Variants in CEP128 observed in about 807,000 individuals in gnomAD.
CEP128 encodes centrosomal protein 128, also known as centrosomal protein 128kDa.
CEP128 carries 132 observed loss-of-function variants against 156.7 expected under a neutral mutation model. The ratio of observed to expected loss-of-function variants is 0.84; its 90% CI spans 0.73 to 0.97. The LOEUF is 0.97. Ranked by LOEUF, CEP128 falls within the 50% of genes least tolerant of loss-of-function variation. CEP128 has a pLI of 0.00. For missense variants in CEP128, 1,252 were observed against 1,281.9 expected, an observed-to-expected ratio of 0.98 and a Z score of 0.36; for synonymous variants, 469 against 448.9, an observed-to-expected ratio of 1.04 and a Z score of -0.57.
At chr14:80,549,994 A>G (rs1385855871) in intron 21 of CEP128, among the ~76,000 whole-genome samples, 1 of 152,244 alleles carries the variant, frequency 6.6e-6, no homozygotes, top group Non-Finnish European at 1.5e-5. Flanking sequence ...TGGACACCAA[A>G]TCTTGAAGTT....
chr14:80,787,807 T>C lies in CEP128; in HGVS notation c.1561-2262A>G, dbSNP rs145892714. Among the ~76,000 whole-genome samples, 556 of 152,292 alleles carry C rather than the reference T, an allele frequency of 3.7e-3. 3 individuals carry two copies. The highest frequency in any genetic ancestry group is 0.012 in the African/African-American group (515 of 41,560). On this transcript the variant is annotated intron_variant, in intron 14 of 24. Transcript: ENST00000555265. ...TAATGAAGTCATACCATGTAAAGTG[T>C]CTTTAATTATGAAATATTATATCTT... is the stretch of plus-strand genomic sequence containing the variant.
chr14:80,896,814 T>A (rs1009936521), intron 7 of CEP128, among the ~76,000 whole-genome samples: 1 of 152,212 alleles, frequency 6.6e-6, no homozygotes, highest in African/African-American at 2.4e-5. Flanking sequence ...ATTTCACTCT[T>A]TTTGAAGACC....
rs1376763852 is a variant in CEP128 at position 80,496,678 on chromosome 14, T to A, written c.*801A>T. The A allele has an allele frequency of 6.6e-6, 1 of 152,134 alleles. No homozygotes were observed. The highest frequency in any genetic ancestry group is 1.5e-5 in the Non-Finnish European group (1 of 68,002). 9.4% of individuals were successfully genotyped at this position (152,134 alleles called of 1,614,324 possible). On this transcript the variant is annotated 3_prime_UTR_variant, in exon 25 of 25. Coordinates refer to ENST00000555265, the MANE Select transcript of CEP128 (RefSeq NM_152446.5). ...ATGGTAGAAGCAGATAGGACCAAAT[T>A]ATACAAGATTATATATAAATCTCAT...
chr14:80,546,177 A>C (rs540498686), intron 21 of CEP128, among the ~76,000 whole-genome samples: 4 of 152,186 alleles, frequency 2.6e-5, no homozygotes, highest in East Asian at 1.9e-4. Flanking sequence ...TAATGCATAC[A>C]TCGGGGATGA....
In CEP128 at chr14:80,497,715, C is replaced by G. The variant is rs572060326; in HGVS notation, c.3182-133G>C. 61 of 638,340 alleles carry G rather than the reference C, an allele frequency of 9.6e-5. No homozygotes were observed. The African/African-American group carries it at 1.0e-3, about 10-fold the overall frequency. The allele number at this position is 638,340 out of a possible 1,614,324, so 39.5% of individuals were successfully genotyped here. ...TTTCTATAATTAAACTTCACATGGA[C>G]TAACAGACCTCCAAGCTAAGAATAA... On this transcript the variant is annotated intron_variant, in intron 24 of 24. Coordinates refer to ENST00000555265, the MANE Select transcript of CEP128 (RefSeq NM_152446.5).
Position 80,548,852 on chromosome 14 carries a change from C to G in CEP128, c.2880+10427G>C, listed in dbSNP as rs112150701. ...TCATTATGCAATTTCCCAGTGATAC[C>G]TTTCCTATGTTATCATGTTTATGAA... On this transcript the variant is annotated intron_variant, in intron 21 of 24. Transcript: ENST00000555265. Among the ~76,000 whole-genome samples the G allele has an allele frequency of 6.6e-5, 10 of 152,206 alleles. 1 individual carries two copies. Among genetic ancestry groups the G allele is most frequent in the African/African-American group, 2.2e-4 (9 of 41,536 alleles).
intron 8 of CEP128, among the ~76,000 whole-genome samples, chr14:80,869,286 A>C (rs1156759237): frequency 1.3e-5 from 2 of 152,110 alleles, no homozygotes; most frequent in African/African-American, 4.8e-5. Context: ...AGTGGTATAA[A>C]ACTAGATATA....
chr14:80,588,224 AATAATGGT>A (rs1891901805), intron 19 of CEP128, among the ~76,000 whole-genome samples: 1 of 152,106 alleles, frequency 6.6e-6, no homozygotes, highest in Non-Finnish European at 1.5e-5. Context: ...TCAGAAGTGG[AATAATGGT>A]ATGATATAGA....
intron 19 of CEP128, among the ~76,000 whole-genome samples, chr14:80,657,119 A>T (rs1012247926): frequency 6.6e-6 from 1 of 151,942 alleles, no homozygotes; most frequent in African/African-American, 2.4e-5. Flanking sequence ...TTAGCCATGC[A>T]TGGTGGTGGG....
chr14:80,926,466 C>T (rs149800429), intron 2 of CEP128, among the ~76,000 whole-genome samples: 24 of 152,316 alleles, frequency 1.6e-4, no homozygotes, highest in Middle Eastern at 3.4e-3. Flanking sequence ...GACCAGGGAA[C>T]TGCCCTCTAA....
intron 20 of CEP128, among the ~76,000 whole-genome samples, chr14:80,576,712 A>C (rs922317536): frequency 2.0e-5 from 3 of 152,036 alleles, no homozygotes; most frequent in African/African-American, 7.2e-5. Context: ...TCTCCCCAAA[A>C]CATTTAAACA....
At chr14:80,829,162 T>C (rs994020422) in intron 13 of CEP128, among the ~76,000 whole-genome samples, 5 of 152,168 alleles carry the variant, frequency 3.3e-5, no homozygotes, top group African/African-American at 1.2e-4. Flanking sequence ...AGTTCTTTTA[T>C]GAAAAATAAA....
intron 2 of CEP128, chr14:80,955,551 C>A (rs1285562061): frequency 1.5e-5 from 17 of 1,102,222 alleles, no homozygotes; most frequent in Non-Finnish European, 2.4e-5. Context: ...GAGGTCACAG[C>A]CCCTTGGAGC....
At chr14:80,600,868 G>A (rs1892551614) in intron 19 of CEP128, among the ~76,000 whole-genome samples, 1 of 148,656 alleles carries the variant, frequency 6.7e-6, no homozygotes, top group African/African-American at 2.5e-5. Context: ...ACAATACAAA[G>A]GAAATATAAG....
intron 4 of CEP128, among the ~76,000 whole-genome samples, chr14:80,912,327 C>T (rs1884283506): frequency 6.6e-6 from 1 of 151,802 alleles, no homozygotes; most frequent in Admixed American, 6.6e-5. Context: ...CTTAACATTA[C>T]AATATTTAGT....
intron 23 of CEP128, among the ~76,000 whole-genome samples, chr14:80,519,159 A>G (rs1888623510): frequency 6.6e-6 from 1 of 152,350 alleles, no homozygotes; most frequent in South Asian, 2.1e-4. Flanking sequence ...ACCTATTTTC[A>G]TTGCTGTCCT....
chr14:80,891,268 G>A (rs533129508), intron 8 of CEP128, among the ~76,000 whole-genome samples: 2 of 152,156 alleles, frequency 1.3e-5, no homozygotes, highest in Admixed American at 1.3e-4. Context: ...ATTTATTGCA[G>A]CACTATCCAC....
Position 80,812,452 on chromosome 14 carries a change from T to C in CEP128, c.1209+18691A>G, listed in dbSNP as rs117284413. Among the ~76,000 whole-genome samples the C allele has an allele frequency of 9.6e-4, 146 of 152,382 alleles. 1 individual carries two copies. The East Asian group carries it at 0.028, about 29-fold the overall frequency. On this transcript the variant is annotated intron_variant, in intron 13 of 24. Coordinates refer to ENST00000555265, the MANE Select transcript of CEP128 (RefSeq NM_152446.5). ...GGATTTCTGGGTTTAATGGTAGCTC[T>C]GTTCTAAGCTCTTTGAGAAATCTAG...
At chr14:80,905,863 A>G (rs1189119959) in intron 5 of CEP128, 92 bp downstream of exon 5, 2 of 1,229,396 alleles carry the variant, frequency 1.6e-6, no homozygotes, top group African/African-American at 3.1e-5. Context: ...GCATGAAGTT[A>G]TGTGTGGGTC....
Sources: gnomAD v4.1 joint callset for allele counts (sites outside exome capture counted in the v4.1 genomes callset) on GRCh38, gnomAD v4.1.1 for gene constraint, MANE v1.5 for transcripts, NCBI Gene and HGNC (gene_info 2026-07-23, HGNC 2026-07-21) for gene names.